The following LCP2 variants were observed in gnomAD, a reference collection of about 807,000 sequenced individuals.
LCP2 encodes the protein lymphocyte cytosolic protein 2.
A neutral mutation model predicts 74.5 loss-of-function variants in LCP2; 29 were observed. The ratio of observed to expected loss-of-function variants is 0.39; its 90% confidence interval spans 0.29 to 0.53. The LOEUF (loss-of-function observed/expected upper bound fraction) is 0.53, where lower values mean the gene tolerates loss of function less well. Among genes scored for constraint, LCP2 ranks in the 20% least tolerant of loss-of-function variants. The probability of loss-of-function intolerance (pLI) is 0.72; values close to 1 mark genes in which losing one functional copy is unlikely to be tolerated. For missense variants in LCP2, 604 were observed against 634.6 expected (o/e 0.95, Z 0.52); for synonymous variants, 228 against 229.5 (o/e 0.99, Z 0.06).
intron 14 of LCP2, among the ~76,000 whole-genome samples, chr5:170,260,377 T>C (rs911476101): frequency 6.6e-6 from 1 of 152,118 alleles, no homozygotes; most frequent in African/African-American, 2.4e-5. Context: ...ACAGCAGGGG[T>C]CTGATGGCCT....
At chr5:170,261,515 G>A (rs1277135476) in intron 13 of LCP2, among the ~76,000 whole-genome samples, 1 of 151,620 alleles carries the variant, frequency 6.6e-6, no homozygotes, top group East Asian at 1.9e-4. Flanking sequence ...TAACTCTTTA[G>A]TAGCTATTAA....
chr5:170,268,438 G>A lies in LCP2; in HGVS notation c.568C>T (p.Pro190Ser), dbSNP rs755127190. Reference sequence around the variant, plus strand: ...GGGAGGGCGGCCATCGGTCTCTGGGGGGGCACAGGAGGCTGCTGGGGGGTT... The same window carrying A: ...GGGAGGGCGGCCATCGGTCTCTGGGAGGGCACAGGAGGCTGCTGGGGGGTT... ...GKTPQQPPVP[P>S]QRPMAALPPP... The change falls in exon 8 of 21, where the codon CCC becomes TCC. Residue 190 changes from proline (P) to serine (S), a missense_variant. Physicochemically the swap from Pro to Ser is moderately conservative, Grantham distance 74. Transcript: ENST00000046794. 10 of 471,226 alleles carry A rather than the reference G, an allele frequency of 2.1e-5. 2 individuals carry two copies. The highest frequency in any genetic ancestry group is 3.1e-5 in the Non-Finnish European group (10 of 322,350). 29.2% of individuals were successfully genotyped at this position (471,226 alleles called of 1,614,324 possible). A position where few individuals can be genotyped will look rare whatever the true frequency, so the allele number is the denominator to read the frequency against.
Position 170,247,877 on chromosome 5 carries a change from G to C in LCP2, c.*820C>G, listed in dbSNP as rs1215580726. On this transcript the variant is annotated 3_prime_UTR_variant, in exon 21 of 21. Coordinates refer to ENST00000046794, the MANE Select transcript of LCP2 (RefSeq NM_005565.5). Reference sequence around the variant, plus strand: ...GTTGGGAGAAGGTTGGTGGGGGGCTGTGATGGTTGGTGTGGGTGTGGAGAT... The same window carrying C: ...GTTGGGAGAAGGTTGGTGGGGGGCTCTGATGGTTGGTGTGGGTGTGGAGAT... The C allele has an allele frequency of 6.6e-6, 1 of 152,352 alleles. No individual in the cohort carries two copies. Among genetic ancestry groups the C allele is most frequent in the Non-Finnish European group, 1.5e-5 (1 of 68,106 alleles). 9.4% of individuals were successfully genotyped at this position (152,352 alleles called of 1,614,324 possible). A position where few individuals can be genotyped will look rare whatever the true frequency, so the allele number is the denominator to read the frequency against.
chr5:170,287,800 A>C, intron 3 of LCP2, 170 bp downstream of exon 3: 1 of 660,226 alleles, frequency 1.5e-6, no homozygotes, highest in South Asian at 1.8e-5. Flanking sequence ...TCTGTTTTCC[A>C]GCTCTTCATG....
intron 5 of LCP2, among the ~76,000 whole-genome samples, chr5:170,274,870 G>A (rs1049475331): frequency 1.3e-5 from 2 of 151,998 alleles, no homozygotes; most frequent in African/African-American, 4.8e-5. Context: ...CCAGCTACTC[G>A]GGAGGCTGAG....
intron 16 of LCP2, among the ~76,000 whole-genome samples, chr5:170,257,046 C>G (rs1041853646): frequency 6.6e-6 from 1 of 152,102 alleles, no homozygotes; most frequent in Admixed American, 6.5e-5. Flanking sequence ...CTGCAGCAGA[C>G]GGTGATAGCA....
intron 2 of LCP2, among the ~76,000 whole-genome samples, chr5:170,290,195 T>C (rs1238310459): frequency 6.6e-6 from 1 of 152,186 alleles, no homozygotes; most frequent in African/African-American, 2.4e-5. Flanking sequence ...TTAAGATTTA[T>C]GGCTTTGTGG....
intron 6 of LCP2, among the ~76,000 whole-genome samples, chr5:170,271,702 G>A (rs1204512004): frequency 2.6e-5 from 4 of 151,918 alleles, no homozygotes; most frequent in East Asian, 1.9e-4. Context: ...AAGCAAAGGC[G>A]GCACCATCAG....
chr5:170,258,773 T>C (rs1761604616), intron 15 of LCP2, 93 bp downstream of exon 15: 2 of 802,426 alleles, frequency 2.5e-6, no homozygotes, highest in Non-Finnish European at 4.1e-6. Context: ...ATTGATTCTA[T>C]GGGGTTCCTG....
At position 170,256,264 on chromosome 5, in the gene LCP2, ATG is replaced by A. The variant is rs536421535; in HGVS notation, c.1150+260_1150+261del. ...TGTATATATGTGTACATGTGTATGC[ATG>A]TGTGTGTGTGCATGTATATGTGCAT... is the stretch of plus-strand genomic sequence containing the variant. On this transcript the variant is annotated intron_variant, in intron 17 of 20. Coordinates refer to ENST00000046794, the MANE Select transcript of LCP2 (RefSeq NM_005565.5). This position sits in a 1 kb window ranked among gnomAD's most constrained non-coding sequence, Gnocchi z 4.5. Among the ~76,000 whole-genome samples the A allele has an allele frequency of 9.2e-5, 14 of 152,102 alleles. No individual in the cohort carries two copies. Among genetic ancestry groups the A allele is most frequent in the South Asian group, 4.1e-4 (2 of 4,826 alleles).
Position 170,248,641 on chromosome 5 carries a change from G to T in LCP2, c.*56C>A. The T allele has an allele frequency of 6.2e-7, 1 of 1,601,334 alleles. No individual in the cohort carries two copies. Among genetic ancestry groups the T allele is most frequent in the Non-Finnish European group, 8.5e-7 (1 of 1,171,460 alleles). On this transcript the variant is annotated 3_prime_UTR_variant, in exon 21 of 21. Coordinates refer to ENST00000046794, the MANE Select transcript of LCP2 (RefSeq NM_005565.5). ...GTTTGTCCATTGACCAAGGCTGATT[G>T]ATCTCGTGTTGGCAACAGAGGCAGG...
At chr5:170,292,787 T>A (rs114298988) in intron 2 of LCP2, among the ~76,000 whole-genome samples, 1,585 of 152,316 alleles carry the variant, frequency 0.01, 31 homozygotes, top group African/African-American at 0.036. Context: ...AATGGCTTAG[T>A]CTTTAATACA....
chr5:170,291,199 CAGGA>C (rs70979170), intron 2 of LCP2, among the ~76,000 whole-genome samples: 82 of 125,610 alleles, frequency 6.5e-4, no homozygotes, highest in Middle Eastern at 3.7e-3. Context: ...GGAAAGAAGG[CAGGA>C]AGGAAGGAAG....
At chr5:170,265,220 G>C (rs567065260) in intron 10 of LCP2, among the ~76,000 whole-genome samples, 33 of 152,020 alleles carry the variant, frequency 2.2e-4, no homozygotes, top group Non-Finnish European at 1.3e-4. Flanking sequence ...ATCTCCTGAC[G>C]TTGTGATCTG....
At chr5:170,254,150 A>G (rs1344505976) in intron 17 of LCP2, among the ~76,000 whole-genome samples, 1 of 152,128 alleles carries the variant, frequency 6.6e-6, no homozygotes, top group African/African-American at 2.4e-5. Flanking sequence ...CAAGGTAGGT[A>G]TTGTCTTCAT....
intron 6 of LCP2, chr5:170,273,923 GGGGGTAGTGGGT>G (rs1761939907): frequency 5.0e-6 from 1 of 198,522 alleles, no homozygotes; most frequent in Non-Finnish European, 1.0e-5. Context: ...TTGGAGACGG[GGGGGTAGTGGGT>G]GGGGGTTGGT....
chr5:170,285,542 G>C (rs1219792470), intron 3 of LCP2, among the ~76,000 whole-genome samples: 2 of 152,100 alleles, frequency 1.3e-5, no homozygotes, highest in African/African-American at 4.8e-5. Flanking sequence ...TGTTTCTTTT[G>C]GGTCTTGCTT....
At chr5:170,284,356 C>T (rs1762149800) in intron 3 of LCP2, among the ~76,000 whole-genome samples, 1 of 152,052 alleles carries the variant, frequency 6.6e-6, no homozygotes, top group Non-Finnish European at 1.5e-5. Context: ...GATATTTTTG[C>T]CTAGTATTGA....
chr5:170,287,904 C>G, intron 3 of LCP2, 66 bp downstream of exon 3: 2 of 1,432,284 alleles, frequency 1.4e-6, no homozygotes, highest in South Asian at 1.1e-5. Context: ...ACCCAGCCCC[C>G]ACTCACACTA....
Sources: allele counts gnomAD v4.1 joint callset (sites outside exome capture counted in the v4.1 genomes callset), GRCh38; gene constraint gnomAD v4.1.1; non-coding constraint Gnocchi (gnomAD v3.1); transcripts MANE v1.5; gene names NCBI Gene and HGNC (gene_info 2026-07-23, HGNC 2026-07-21).